ESR2: variants seen among roughly 807,000 people sequenced by gnomAD.
ESR2 encodes the protein estrogen receptor beta.
A neutral mutation model predicts 49.6 loss-of-function variants in ESR2; 36 were observed. The observed-to-expected ratio is 0.73, with a 90% confidence interval of 0.56 to 0.96. The LOEUF (loss-of-function observed/expected upper bound fraction) is 0.96, where lower values mean the gene tolerates loss of function less well. Among genes scored for constraint, ESR2 ranks in the 40% least tolerant of loss-of-function variants. The pLI, the probability that ESR2 is intolerant of heterozygous loss-of-function variation, is 0.00. For synonymous variants in ESR2, 320 were observed against 266.1 expected (o/e 1.20, Z -1.97); for missense variants, 714 against 693.0 (o/e 1.03, Z -0.34).
intron 7 of ESR2, among the ~76,000 whole-genome samples, chr14:64,238,765 A>AC (rs1567731589): frequency 6.6e-6 from 1 of 151,910 alleles, no homozygotes; most frequent in East Asian, 1.9e-4. Flanking sequence ...TAAAAAAAAA[A>AC]AACAAAAAAA....
intron 1 of ESR2, among the ~76,000 whole-genome samples, chr14:64,323,513 C>T (rs553497320): frequency 7.8e-6 from 1 of 128,728 alleles, no homozygotes; most frequent in South Asian, 2.5e-4. Context: ...GCCAAGCACA[C>T]GTTATTTTGT....
At chr14:64,255,509 T>C (rs1321126022) in intron 6 of ESR2, among the ~76,000 whole-genome samples, 5 of 152,182 alleles carry the variant, frequency 3.3e-5, no homozygotes, top group Non-Finnish European at 7.3e-5. Context: ...TTTGTCAACA[T>C]TGTCACCCAT....
chr14:64,281,323 T>C (rs142940356), intron 2 of ESR2, among the ~76,000 whole-genome samples: 1 of 152,236 alleles, frequency 6.6e-6, no homozygotes, highest in African/African-American at 2.4e-5. Flanking sequence ...AAGGGAATGG[T>C]AAAGGTATTA....
rs746965258 is a variant in ESR2, at chr14:64,268,791, TCAC to T, written c.652+1_652+3del. The T allele has an allele frequency of 8.1e-5, 128 of 1,576,526 alleles. No homozygotes were observed. The highest frequency in any genetic ancestry group is 1.1e-4 in the Non-Finnish European group (124 of 1,146,214). On this transcript the variant is annotated splice_donor_variant and splice_donor_region_variant and intron_variant, in intron 4 of 8. Transcript: ENST00000341099. LOFTEE classifies it high-confidence loss of function. ...ATTCAATAAGAAGGGAAGCAAGCAC[TCAC>T]CACACTTCACCATTCCCACTTCGTA...
chr14:64,264,672 A>G (rs866542549), intron 4 of ESR2, among the ~76,000 whole-genome samples: 3 of 152,124 alleles, frequency 2.0e-5, no homozygotes, highest in Non-Finnish European at 4.4e-5. Context: ...GGAGTTGAAG[A>G]CTAGCCTGGG....
chr14:64,283,946 G>A (rs549206784), intron 1 of ESR2, among the ~76,000 whole-genome samples: 2 of 151,926 alleles, frequency 1.3e-5, no homozygotes, highest in South Asian at 4.2e-4. Context: ...TTGTTTTTGA[G>A]ACAAGGTCTC....
chr14:64,240,730 C>G (rs1417785236), intron 7 of ESR2, among the ~76,000 whole-genome samples: 1 of 152,136 alleles, frequency 6.6e-6, no homozygotes, highest in Non-Finnish European at 1.5e-5. Flanking sequence ...TTTTTCAGTA[C>G]AGTAACTTTC....
At chr14:64,290,035 A>T (rs1386303486) in intron 1 of ESR2, among the ~76,000 whole-genome samples, 2 of 152,098 alleles carry the variant, frequency 1.3e-5, no homozygotes, top group Admixed American at 1.3e-4. Flanking sequence ...AGCAACAAGC[A>T]TCCTTGATGT....
intron 7 of ESR2, among the ~76,000 whole-genome samples, chr14:64,237,138 T>C (rs540143064): frequency 6.6e-6 from 1 of 152,130 alleles, no homozygotes; most frequent in East Asian, 1.9e-4. Context: ...TTTTTTGTAT[T>C]TTCAGTAGAG....
rs73267884 is a variant in ESR2 at position 64,279,875 on chromosome 14, T to C, written c.535+106A>G. 860 of 899,264 alleles carry C rather than the reference T, an allele frequency of 9.6e-4. 13 individuals are homozygous for C. In the African/African-American group the frequency reaches 0.013, roughly 13 times the overall value. 55.7% of individuals were successfully genotyped at this position (899,264 alleles called of 1,614,324 possible). A position where few individuals can be genotyped will look rare whatever the true frequency, so the allele number is the denominator to read the frequency against. On this transcript the variant is annotated intron_variant, in intron 3 of 8. Coordinates refer to ENST00000341099, the MANE Select transcript of ESR2 (RefSeq NM_001437.3). ...CCTCTGAACTGCTCATCAAATACTT[T>C]GTGTGCCAAACAGGCCAGTAGTGAC...
At chr14:64,248,445 A>G (rs1181085805) in intron 7 of ESR2, among the ~76,000 whole-genome samples, 1 of 148,000 alleles carries the variant, frequency 6.8e-6, no homozygotes, top group Non-Finnish European at 1.5e-5. Flanking sequence ...GTACTAGGTT[A>G]CAGTGAGCTA....
intron 6 of ESR2, among the ~76,000 whole-genome samples, chr14:64,254,217 G>A (rs1157188126): frequency 6.6e-6 from 1 of 152,060 alleles, no homozygotes; most frequent in Non-Finnish European, 1.5e-5. Flanking sequence ...GCTCTGCTAG[G>A]ACAATCCAGC....
At chr14:64,306,005 T>C (rs999744195) in intron 1 of ESR2, among the ~76,000 whole-genome samples, 1 of 152,078 alleles carries the variant, frequency 6.6e-6, no homozygotes, top group African/African-American at 2.4e-5. Context: ...GGTCAAGAGA[T>C]TGAGATCATC....
At chr14:64,309,593 G>A (rs1324687062) in intron 1 of ESR2, among the ~76,000 whole-genome samples, 2 of 103,508 alleles carry the variant, frequency 1.9e-5, no homozygotes. Context: ...GGCAACAAGA[G>A]TGAAACTCCA....
chr14:64,253,470 C>T (rs1238868695), intron 6 of ESR2, among the ~76,000 whole-genome samples: 7 of 151,988 alleles, frequency 4.6e-5, no homozygotes, highest in East Asian at 3.9e-4. Flanking sequence ...GGATTACAGG[C>T]GTGAGCCACC....
rs368036749 is a variant in ESR2 at position 64,260,696 on chromosome 14, G to T, written c.705C>A (p.Ala235=). Reference sequence around the variant, plus strand: ...TGCCGGCACAGTGCAGCTGCTCGTCGGCACTTCTCTGTCTCCGCACAAGGC... The same window carrying T: ...TGCCGGCACAGTGCAGCTGCTCGTCTGCACTTCTCTGTCTCCGCACAAGGC... ...GYRLVRRQRS[A]DEQLHCAGKA... Residue 235 remains alanine (A), a synonymous_variant, in exon 5 of 9, where the codon GCC becomes GCA. Transcript: ENST00000341099. 7.0e-6 allele frequency: 11 copies of T among 1,561,898 alleles called. No individual in the cohort carries two copies. The African/African-American group carries it at 1.1e-4, about 16-fold the overall frequency.
In ESR2 at chr14:64,232,949, G is replaced by A. The variant is rs2140605158; in HGVS notation, c.*188C>T. 7.8e-7 allele frequency: 1 copy of A among 1,275,248 alleles called. No homozygotes were observed. Among genetic ancestry groups the A allele is most frequent in the Non-Finnish European group, 1.0e-6 (1 of 974,658 alleles). 79.0% of individuals were successfully genotyped at this position (1,275,248 alleles called of 1,614,324 possible). A position where few individuals can be genotyped will look rare whatever the true frequency, so the allele number is the denominator to read the frequency against. Reference sequence around the variant, plus strand: ...TCAAATGTGCCCTCTGCTAACAAGGGAAACTATGGCTTCCTCACACCGACT... The same window carrying A: ...TCAAATGTGCCCTCTGCTAACAAGGAAAACTATGGCTTCCTCACACCGACT... On this transcript the variant is annotated 3_prime_UTR_variant, in exon 9 of 9. Coordinates refer to ENST00000341099, the MANE Select transcript of ESR2 (RefSeq NM_001437.3).
Position 64,282,844 on chromosome 14 carries a change from A to G in ESR2, c.142T>C (p.Phe48Leu). ...DSHHEYPAMT[F>L]YSPAVMNYSI... ...TAATTCATCACAGCAGGGCTATAGA[A>G]TGTCATGGCTGGATATTCATGGTGG... The change falls in exon 2 of 9, where the codon TTC (phenylalanine) becomes CTC (leucine). Residue 48 changes from phenylalanine to leucine, a missense_variant. By Grantham distance (22) the Phe-to-Leu change is conservative. Transcript: ENST00000341099. The G allele has an allele frequency of 1.2e-6, 2 of 1,614,214 alleles. No individual in the cohort carries two copies. The highest frequency in any genetic ancestry group is 1.7e-6 in the Non-Finnish European group (2 of 1,180,028).
At chr14:64,299,399 CTTTT>C (rs541707521), upstream of ESR2, among the ~76,000 whole-genome samples, 16 of 125,634 alleles carry the variant, frequency 1.3e-4, no homozygotes, top group Non-Finnish European at 1.3e-4. Flanking sequence ...ACAGAAATAG[CTTTT>C]TTTTTTTTTT....
Sources: allele counts gnomAD v4.1 joint callset (sites outside exome capture counted in the v4.1 genomes callset), GRCh38; gene constraint gnomAD v4.1.1; transcripts MANE v1.5; gene names NCBI Gene and HGNC (gene_info 2026-07-23, HGNC 2026-07-21).